Variants in DGKI observed in about 807,000 individuals in gnomAD.
DGKI encodes diacylglycerol kinase iota, also known as DAG kinase iota.
Under a neutral mutation model 147.5 loss-of-function variants are expected in DGKI, and 55 were observed. The ratio of observed to expected loss-of-function variants is 0.37; its 90% CI spans 0.30 to 0.47. DGKI has a LOEUF of 0.47. DGKI is among the 20% of genes least tolerant of loss of function. The pLI is 1.00. For synonymous variants in DGKI, 469 were observed against 477.1 expected (o/e 0.98, Z 0.22); for missense variants, 1,007 against 1,323.8 (o/e 0.76, Z 3.71).
intron 2 of DGKI, among the ~76,000 whole-genome samples, chr7:137,687,931 C>A (rs1012774561): frequency 6.6e-6 from 1 of 152,078 alleles, no homozygotes; most frequent in Non-Finnish European, 1.5e-5. Context: ...ACAAACCCAG[C>A]CTTCATTCCT....
At chr7:137,638,547 TATGTGTGTATATATATAC>T (rs1341563066) in intron 6 of DGKI, among the ~76,000 whole-genome samples, 2 of 117,956 alleles carry the variant, frequency 1.7e-5, no homozygotes, top group African/African-American at 6.9e-5. Context: ...TATGTATATA[TATGTGTGTATATATATAC>T]ACACATATAT....
rs1189812540 is a variant in DGKI at position 137,385,971 on chromosome 7, G to C, written c.*5249C>G. On this transcript the variant is annotated 3_prime_UTR_variant, in exon 33 of 33. Coordinates refer to ENST00000614521, the MANE Select transcript of DGKI (RefSeq NM_001321708.2). ...TTGTTATATCCTTAGTATGATGCCT[G>C]CCTCAGAGTGACAAATATTTTTCAA... 6.6e-6 allele frequency: 1 copy of C among 152,052 alleles called. No homozygotes were observed. The highest frequency in any genetic ancestry group is 1.5e-5 in the Non-Finnish European group (1 of 67,982). The allele number at this position is 152,052 out of a possible 1,614,324, so 9.4% of individuals were successfully genotyped here.
intron 1 of DGKI, among the ~76,000 whole-genome samples, chr7:137,733,468 A>C (rs1794940045): frequency 6.6e-6 from 1 of 152,090 alleles, no homozygotes; most frequent in South Asian, 2.1e-4. Context: ...TGTATGTACC[A>C]CATCTGGTTT....
At chr7:137,586,708 C>T (rs1819414549) in intron 13 of DGKI, among the ~76,000 whole-genome samples, 1 of 152,038 alleles carries the variant, frequency 6.6e-6, no homozygotes, top group African/African-American at 2.4e-5. Context: ...ATAACTCTCC[C>T]AAGTAAGGTG....
At chr7:137,532,639 G>T (rs1027096422) in intron 20 of DGKI, among the ~76,000 whole-genome samples, 9 of 152,086 alleles carry the variant, frequency 5.9e-5, no homozygotes, top group Non-Finnish European at 1.0e-4. Context: ...TAGTAGCTCA[G>T]ATGTGTTCCC....
intron 8 of DGKI, among the ~76,000 whole-genome samples, chr7:137,617,355 T>A (rs1175502935): frequency 6.6e-6 from 1 of 151,988 alleles, no homozygotes; most frequent in Admixed American, 6.6e-5. Context: ...TAAGGGAAGC[T>A]TAAGAACTAC....
intron 6 of DGKI, among the ~76,000 whole-genome samples, chr7:137,640,280 T>C (rs1463641866): frequency 6.6e-6 from 1 of 152,076 alleles, no homozygotes; most frequent in Non-Finnish European, 1.5e-5. Flanking sequence ...AAATCTAAAA[T>C]AGTCAAAACT....
At chr7:137,442,815 G>A (rs115012759) in intron 28 of DGKI, among the ~76,000 whole-genome samples, 6 of 152,034 alleles carry the variant, frequency 3.9e-5, no homozygotes, top group African/African-American at 7.3e-5. Flanking sequence ...TTTGCTCTTC[G>A]TTGGAAACTA....
chr7:137,539,680 C>A (rs568745808), intron 20 of DGKI, among the ~76,000 whole-genome samples: 2 of 151,588 alleles, frequency 1.3e-5, no homozygotes, highest in Admixed American at 1.3e-4. Flanking sequence ...ATAAAAGATT[C>A]CACTTTAGAA....
chr7:137,589,575 G>A (rs1191765839), intron 12 of DGKI, among the ~76,000 whole-genome samples: 1 of 152,162 alleles, frequency 6.6e-6, no homozygotes, highest in Non-Finnish European at 1.5e-5. Flanking sequence ...GTTTGTGCTT[G>A]ACATTGTTTC....
intron 10 of DGKI, among the ~76,000 whole-genome samples, chr7:137,604,839 A>C (rs534370127): frequency 1.3e-5 from 2 of 152,318 alleles, no homozygotes; most frequent in East Asian, 3.9e-4. Context: ...AAAACTCAGA[A>C]AGATGCTAAT....
intron 3 of DGKI, among the ~76,000 whole-genome samples, chr7:137,677,290 ACT>A (rs1169579809): frequency 3.9e-5 from 6 of 152,234 alleles, no homozygotes; most frequent in East Asian, 1.9e-4. Context: ...ATTTAATCCT[ACT>A]CTCTGTTTTA....
intron 32 of DGKI, among the ~76,000 whole-genome samples, chr7:137,395,395 G>A (rs1353061507): frequency 6.6e-6 from 1 of 152,212 alleles, no homozygotes; most frequent in East Asian, 1.9e-4. Flanking sequence ...AGCCCCATAG[G>A]CAAGCACACG....
At chr7:137,527,844 T>C (rs1054742134) in intron 20 of DGKI, among the ~76,000 whole-genome samples, 5 of 152,156 alleles carry the variant, frequency 3.3e-5, no homozygotes, top group African/African-American at 1.2e-4. Flanking sequence ...ATAATCTAGA[T>C]ATAATAAAAT....
chr7:137,755,363 A>T (rs1795646086), intron 1 of DGKI, among the ~76,000 whole-genome samples: 2 of 152,262 alleles, frequency 1.3e-5, no homozygotes, highest in South Asian at 4.2e-4. Flanking sequence ...TTTCCATCCA[A>T]GCCTATTTTT....
intron 1 of DGKI, among the ~76,000 whole-genome samples, chr7:137,827,493 T>C (rs1264123081): frequency 6.6e-6 from 1 of 152,210 alleles, no homozygotes; most frequent in African/African-American, 2.4e-5. Flanking sequence ...TGGAACGCTT[T>C]CCATACTCTC....
At chr7:137,763,113 T>G (rs761577626) in intron 1 of DGKI, among the ~76,000 whole-genome samples, 4 of 152,210 alleles carry the variant, frequency 2.6e-5, no homozygotes, top group Non-Finnish European at 5.9e-5. Flanking sequence ...TCTCTCTGGT[T>G]AGGTACTCAT....
intron 1 of DGKI, among the ~76,000 whole-genome samples, chr7:137,763,936 A>C (rs972056418): frequency 1.3e-5 from 2 of 152,252 alleles, no homozygotes; most frequent in African/African-American, 4.8e-5. Context: ...TAGGCCTGAA[A>C]AACAGACCGC....
chr7:137,469,671 C>T (rs537679980), intron 23 of DGKI, 52 bp from the exon 24 acceptor site: 10 of 1,531,758 alleles, frequency 6.5e-6, no homozygotes, highest in African/African-American at 5.5e-5. Context: ...ACCTGATGGG[C>T]TTCCCTCACT....
Sources: allele counts gnomAD v4.1 joint callset (sites outside exome capture counted in the v4.1 genomes callset), GRCh38; gene constraint gnomAD v4.1.1; transcripts MANE v1.5; gene names NCBI Gene and HGNC (gene_info 2026-07-23, HGNC 2026-07-21).